Variants in CACNA1D observed in about 807,000 individuals in gnomAD.
CACNA1D encodes calcium voltage-gated channel subunit alpha1 D.
Under a neutral mutation model 257.1 loss-of-function variants are expected in CACNA1D, and 55 were observed. The observed-to-expected ratio is 0.21, with a 90% CI of 0.17 to 0.27. The LOEUF (loss-of-function observed/expected upper bound fraction) is 0.27. Among genes scored for constraint, CACNA1D ranks in the 10% least tolerant of loss-of-function variants. The pLI is 1.00. For missense variants in CACNA1D, 1,876 were observed against 2,784.0 expected, an observed-to-expected ratio of 0.67 and a Z score of 7.34; for synonymous variants, 980 against 1,014.9, an observed-to-expected ratio of 0.97 and a Z score of 0.65.
chr3:53,708,534 G>A (rs1360712439), intron 9 of CACNA1D, among the ~76,000 whole-genome samples: 1 of 152,170 alleles, frequency 6.6e-6, no homozygotes, highest in Admixed American at 6.5e-5. Flanking sequence ...AGAAAGCAGT[G>A]GTAATTTCTA....
At chr3:53,777,539 C>A (rs1435274648) in intron 37 of CACNA1D, among the ~76,000 whole-genome samples, 1 of 152,180 alleles carries the variant, frequency 6.6e-6, no homozygotes, top group Non-Finnish European at 1.5e-5. Context: ...TGGAGATCCA[C>A]TTAGGATGTG....
chr3:53,675,438 A>G (rs1270711020), intron 8 of CACNA1D, among the ~76,000 whole-genome samples: 1 of 152,214 alleles, frequency 6.6e-6, no homozygotes, highest in Non-Finnish European at 1.5e-5. Flanking sequence ...TTGGCGCCTC[A>G]TGTCTCCTAA....
chr3:53,776,534 A>ACTG (rs2095398352), intron 35 of CACNA1D, 69 bp from the exon 36 acceptor site: 1 of 1,594,338 alleles, frequency 6.3e-7, no homozygotes. Context: ...TGTCATTAGA[A>ACTG]AGCCTGTGCT....
At chr3:53,736,694 C>T (rs968575719) in intron 20 of CACNA1D, among the ~76,000 whole-genome samples, 8 of 151,860 alleles carry the variant, frequency 5.3e-5, no homozygotes, top group Non-Finnish European at 1.5e-5. Flanking sequence ...GAGTTCAAGA[C>T]TAGTCTAGGC....
intron 8 of CACNA1D, among the ~76,000 whole-genome samples, chr3:53,686,587 C>A (rs190050085): frequency 6.6e-6 from 1 of 151,986 alleles, no homozygotes; most frequent in East Asian, 1.9e-4. Context: ...CATACGATCA[C>A]CTCAGTAAAT....
chr3:53,725,044 T>C (rs968119892), intron 14 of CACNA1D, among the ~76,000 whole-genome samples: 3 of 147,066 alleles, frequency 2.0e-5, no homozygotes, highest in African/African-American at 7.5e-5. Context: ...GGCACAAAAT[T>C]CTAATGTTAC....
intron 44 of CACNA1D, among the ~76,000 whole-genome samples, chr3:53,804,272 C>T (rs1413712501): frequency 6.6e-6 from 1 of 152,198 alleles, no homozygotes; most frequent in African/African-American, 2.4e-5. Flanking sequence ...CCCTCACCCT[C>T]TGCTCCCGCA....
At chr3:53,810,509 C>G in intron 47 of CACNA1D, 1 of 617,632 alleles carries the variant, frequency 1.6e-6, no homozygotes, top group South Asian at 1.8e-5. Context: ...GTAATCTCAG[C>G]ACTTTGGGAG....
At chr3:53,790,849 TTGTTA>T in intron 40 of CACNA1D, 2 of 642,102 alleles carry the variant, frequency 3.1e-6, no homozygotes, top group East Asian at 5.5e-5. Flanking sequence ...GAGTTTTGTT[TTGTTA>T]TTTTTTTAAA....
chr3:53,553,793 AAG>A (rs1300931160), intron 3 of CACNA1D, among the ~76,000 whole-genome samples: 13 of 151,656 alleles, frequency 8.6e-5, no homozygotes, highest in Admixed American at 7.2e-4. Context: ...TTTGCATTGG[AAG>A]AGAGAGTAAA....
intron 3 of CACNA1D, among the ~76,000 whole-genome samples, chr3:53,545,654 G>T (rs986885509): frequency 3.9e-5 from 6 of 152,152 alleles, no homozygotes; most frequent in African/African-American, 1.4e-4. Context: ...AAAGACGAAA[G>T]GGCTTGTGCA....
chr3:53,740,869 T>C (rs2095110724), intron 21 of CACNA1D, among the ~76,000 whole-genome samples: 1 of 152,236 alleles, frequency 6.6e-6, no homozygotes, highest in Non-Finnish European at 1.5e-5. Flanking sequence ...GTCTCTCTTT[T>C]TGTTTCTCTG....
At chr3:53,719,562 T>G (rs906388985) in intron 10 of CACNA1D, among the ~76,000 whole-genome samples, 193 bp from the exon 11 acceptor site, 6 of 152,196 alleles carry the variant, frequency 3.9e-5, no homozygotes, top group Admixed American at 3.3e-4. Context: ...TCGAGGGTGC[T>G]CAGTCTGCTC....
Position 53,744,774 on chromosome 3 carries a change from G to A in CACNA1D, c.2953G>A (p.Val985Ile), listed in dbSNP as rs776649485. The A allele has an allele frequency of 7.5e-6, 12 of 1,610,432 alleles. No homozygotes were observed. The Admixed American group carries it at 1.8e-4, about 25-fold the overall frequency. The change falls in exon 23 of 48, where the codon GTC (valine) becomes ATC (isoleucine). Residue 985 changes from valine to isoleucine, a missense_variant. Val to Ile is a conservative substitution (Grantham distance 29). This residue lies in a region of CACNA1D where 271 missense variants were observed against 425.5 expected (regional missense o/e 0.64). Coordinates refer to ENST00000350061, the MANE Select transcript of CACNA1D (RefSeq NM_001128840.3). Reference sequence around the variant, plus strand: ...CATCTCCGTTGTGAAGATTCTGAGGGTCTTAAGGGTCCTGCGTCCCCTCAG... The same window carrying A: ...CATCTCCGTTGTGAAGATTCTGAGGATCTTAAGGGTCCTGCGTCCCCTCAG... ...SAISVVKILR[V>I]LRVLRPLRAI...
At chr3:53,497,543 CA>C in intron 2 of CACNA1D, 82 bp downstream of exon 2, 1 of 1,399,052 alleles carries the variant, frequency 7.1e-7, no homozygotes, top group South Asian at 1.2e-5. Flanking sequence ...TGAAGTGACA[CA>C]AAGCTGTAGC....
intron 45 of CACNA1D, 152 bp from the exon 46 acceptor site, chr3:53,808,497 T>G (rs1318705145): frequency 1.2e-6 from 1 of 836,242 alleles, no homozygotes; most frequent in African/African-American, 1.7e-5. Flanking sequence ...CTACTAAAGT[T>G]TGGAGACCTC....
intron 8 of CACNA1D, among the ~76,000 whole-genome samples, chr3:53,680,506 G>C (rs530759299): frequency 6.6e-6 from 1 of 152,298 alleles, no homozygotes; most frequent in East Asian, 1.9e-4. Context: ...CTGGGTTGTT[G>C]ATGTGCAGGT....
At chr3:53,600,470 A>G (rs765841248) in intron 3 of CACNA1D, among the ~76,000 whole-genome samples, 2 of 152,214 alleles carry the variant, frequency 1.3e-5, no homozygotes, top group Non-Finnish European at 2.9e-5. Flanking sequence ...CTTGTAGTTA[A>G]TATTCACAAC....
chr3:53,720,629 G>T (rs1048509674), intron 11 of CACNA1D, among the ~76,000 whole-genome samples: 1 of 152,198 alleles, frequency 6.6e-6, no homozygotes, highest in Non-Finnish European at 1.5e-5. Context: ...AAGAGATGTG[G>T]ATGGCAGATA....
Sources: gnomAD v4.1 joint callset for allele counts (sites outside exome capture counted in the v4.1 genomes callset) on GRCh38, gnomAD v4.1.1 for gene constraint, gnomAD v4.1.1 regional missense constraint, MANE v1.5 for transcripts, NCBI Gene and HGNC (gene_info 2026-07-23, HGNC 2026-07-21) for gene names.